The following TTC21B variants were observed in gnomAD, a reference collection of about 807,000 sequenced individuals.
The protein encoded by TTC21B is tetratricopeptide repeat protein 21B.
TTC21B carries 127 observed loss-of-function variants against 175.1 expected under a neutral mutation model. The observed-to-expected ratio is 0.73, with a 90% CI of 0.63 to 0.84. The LOEUF (loss-of-function observed/expected upper bound fraction) is 0.84. TTC21B is among the 40% of genes least tolerant of loss of function. The probability of loss-of-function intolerance (pLI) is 0.00; values close to 1 mark genes in which losing one functional copy is unlikely to be tolerated. For synonymous variants in TTC21B, 524 were observed against 524.5 expected (o/e 1.00, Z 0.01); for missense variants, 1,561 against 1,558.3 (o/e 1.00, Z -0.03).
In TTC21B at chr2:165,949,484, G is replaced by A. The variant is rs771232897; in HGVS notation, c.172C>T (p.Arg58Ter). The change falls in exon 3 of 29, where the codon CGA becomes TGA. Residue 58 changes from arginine (R) to a stop codon, truncating the protein, a stop_gained. Transcript: ENST00000243344. LOFTEE classifies it high-confidence loss of function. ...LMEGKTQEAL[R>*]EFEAIKNKQD... ...TTATTTTTAATAGCCTCAAATTCTCGAAGAGCTTCTTGAGTTTTACCTGAA... is the reference window on the plus strand; with the variant it reads ...TTATTTTTAATAGCCTCAAATTCTCAAAGAGCTTCTTGAGTTTTACCTGAA... 1.3e-5 allele frequency: 21 copies of A among 1,613,728 alleles called. No homozygotes were observed. Among genetic ancestry groups the A allele is most frequent in the South Asian group, 5.5e-5 (5 of 91,068 alleles).
intron 11 of TTC21B, among the ~76,000 whole-genome samples, chr2:165,925,281 T>C (rs900747750): frequency 3.9e-5 from 6 of 152,198 alleles, no homozygotes; most frequent in African/African-American, 1.2e-4. Context: ...ATAATGAGTA[T>C]GATAATTAAA....
chr2:165,916,875 G>A (rs1416105970), intron 14 of TTC21B, among the ~76,000 whole-genome samples: 1 of 152,004 alleles, frequency 6.6e-6, no homozygotes, highest in East Asian at 1.9e-4. Flanking sequence ...AATACATTTA[G>A]CTTTTCATTT....
chr2:165,930,732 G>GGGT (rs376602791), intron 8 of TTC21B, among the ~76,000 whole-genome samples: 1 of 110,832 alleles, frequency 9.0e-6, no homozygotes, highest in Admixed American at 8.7e-5. Context: ...TGGGTATGGG[G>GGGT]GTGTGTGTGT....
Position 165,919,286 on chromosome 2 carries a change from T to C in TTC21B, c.1664A>G (p.Tyr555Cys), listed in dbSNP as rs758276060. 2.5e-6 allele frequency: 4 copies of C among 1,614,050 alleles called. No homozygotes were observed. In the South Asian group the frequency reaches 4.4e-5, roughly 18 times the overall value. The change falls in exon 13 of 29, where the codon TAT becomes TGT. Residue 555 changes from tyrosine (Y) to cysteine (C), a missense_variant. Transcript: ENST00000243344. ...GTCTGGAATACTTACCTTAAAATCA[T>C]AGCTCAGACAAAGTTCAAGAGACTG... ...CSQSLELCLS[Y>C]DFKVRDYPLY...
intron 15 of TTC21B, 51 bp from the exon 16 acceptor site, chr2:165,913,697 C>T (rs770503184): frequency 1.9e-5 from 28 of 1,437,642 alleles, no homozygotes; most frequent in Admixed American, 6.9e-5. Context: ...ATATCTTCTT[C>T]CAAAAATAAA....
At chr2:165,930,732 G>GGTGTGTGTGTGTGTGTGTGTGTGT in intron 8 of TTC21B, among the ~76,000 whole-genome samples, 91 of 110,798 alleles carry the variant, frequency 8.2e-4, no homozygotes, top group South Asian at 1.6e-3. Flanking sequence ...TGGGTATGGG[G>GGTGTGTGTGTGTGTGTGTGTGTGT]GTGTGTGTGT....
At chr2:165,936,890 C>A (rs1687171021) in intron 6 of TTC21B, among the ~76,000 whole-genome samples, 1 of 151,922 alleles carries the variant, frequency 6.6e-6, no homozygotes, top group African/African-American at 2.4e-5. Context: ...GACAGTTTGG[C>A]AGTTTCTTAG....
chr2:165,922,851 T>C (rs989965636), intron 12 of TTC21B, among the ~76,000 whole-genome samples: 1 of 152,126 alleles, frequency 6.6e-6, no homozygotes, highest in Non-Finnish European at 1.5e-5. Context: ...CATCAACCGA[T>C]GAGTGGACAA....
intron 6 of TTC21B, among the ~76,000 whole-genome samples, chr2:165,940,282 G>A (rs147770308): frequency 6.6e-6 from 1 of 152,276 alleles, no homozygotes; most frequent in Non-Finnish European, 1.5e-5. Context: ...CTCGCCCACA[G>A]TCTGTTTTGC....
chr2:165,915,296 T>G lies in TTC21B; in HGVS notation c.2043A>C (p.Thr681=). 6.2e-7 allele frequency: 1 copy of G among 1,614,152 alleles called. No individual in the cohort carries two copies. Among genetic ancestry groups the G allele is most frequent in the Non-Finnish European group, 8.5e-7 (1 of 1,179,994 alleles). Reference sequence around the variant, plus strand: ...CCTCTATAAAATAAGGCTGTTCGGCTGTAACATTCTGAAGGATGCTTAAAG... The same window carrying G: ...CCTCTATAAAATAAGGCTGTTCGGCGGTAACATTCTGAAGGATGCTTAAAG... ...ERALSILQNV[T]AEQPYFIEAR... The change falls in exon 15 of 29, where the codon ACA becomes ACC. Residue 681 remains threonine (T), a synonymous_variant. Transcript: ENST00000243344.
At chr2:165,918,593 C>G (rs915792741) in intron 13 of TTC21B, among the ~76,000 whole-genome samples, 4 of 152,258 alleles carry the variant, frequency 2.6e-5, no homozygotes, top group Non-Finnish European at 5.9e-5. Flanking sequence ...CCACGCCCGG[C>G]CTTCTGCAAA....
rs372066887 is a variant in TTC21B, at chr2:165,917,396, T to C, written c.1760A>G (p.His587Arg). Residue 587 changes from histidine (H) to arginine (R), a missense_variant, in exon 14 of 29, where the codon CAT (histidine) becomes CGT (arginine). Transcript: ENST00000243344. ...GEIADAIKTL[H>R]MAMSLPGMKR... ...CATTCCTGGTAAACTCATTGCCATA[T>C]GCAGTGTTTTAATTGCGTCTGCTAT... 5.6e-5 allele frequency: 90 copies of C among 1,614,062 alleles called. No individual in the cohort carries two copies. Among genetic ancestry groups the C allele is most frequent in the Non-Finnish European group, 7.5e-5 (89 of 1,180,008 alleles).
chr2:165,932,349 A>ATTTACTAGATT (rs1405218478), intron 7 of TTC21B, among the ~76,000 whole-genome samples: 2 of 152,180 alleles, frequency 1.3e-5, no homozygotes, highest in East Asian at 1.9e-4. Flanking sequence ...CCCTACTAAG[A>ATTTACTAGATT]TACTCCTAGC....
chr2:165,875,120 A>G (rs1684623808), intron 28 of TTC21B, among the ~76,000 whole-genome samples: 1 of 152,214 alleles, frequency 6.6e-6, no homozygotes, highest in Non-Finnish European at 1.5e-5. Context: ...TCAATGATTT[A>G]AAATATTTTT....
chr2:165,888,920 GGTAAA>G (rs142225477), intron 24 of TTC21B, among the ~76,000 whole-genome samples: 66,504 of 151,388 alleles, frequency 0.44, 15,060 homozygotes, highest in South Asian at 0.54. Flanking sequence ...GGCTTGAACA[GGTAAA>G]GTAATTTTCT....
chr2:165,947,476 T>C (rs1687622722), intron 3 of TTC21B: 3 of 151,522 alleles, frequency 2.0e-5, no homozygotes, highest in Non-Finnish European at 4.4e-5. Flanking sequence ...CCTTTTCTCC[T>C]CTCCCCACTC....
intron 1 of TTC21B, among the ~76,000 whole-genome samples, chr2:165,952,474 CAG>C (rs1687788437): frequency 6.6e-6 from 1 of 152,080 alleles, no homozygotes; most frequent in South Asian, 2.1e-4. Context: ...TTAAGTGAGA[CAG>C]AGAGTATTGG....
intron 4 of TTC21B, among the ~76,000 whole-genome samples, chr2:165,943,859 A>C (rs1417974142): frequency 6.6e-6 from 1 of 152,128 alleles, no homozygotes; most frequent in Non-Finnish European, 1.5e-5. Context: ...GAAATTATAA[A>C]CTGAAGAACT....
At position 165,931,845 on chromosome 2, in the gene TTC21B, C is replaced by T; in HGVS notation, c.807G>A (p.Lys269=). The change falls in exon 8 of 29, where the codon AAG becomes AAA. Residue 269 remains lysine (K), a synonymous_variant. Coordinates refer to ENST00000243344, the MANE Select transcript of TTC21B (RefSeq NM_024753.5). The stretch of plus-strand genomic sequence containing the variant: ...CCAATGTATTTCCCAAGTTTTCCAG[C>T]TTGGTGGAAGCCTAAAACAAAAGGA... ...REGDIEKAST[K]LENLGNTLDA... The T allele has an allele frequency of 6.2e-7, 1 of 1,613,000 alleles. No individual in the cohort carries two copies. The highest frequency in any genetic ancestry group is 8.5e-7 in the Non-Finnish European group (1 of 1,179,190).
Sources: allele counts gnomAD v4.1 joint callset (sites outside exome capture counted in the v4.1 genomes callset), GRCh38; gene constraint gnomAD v4.1.1; transcripts MANE v1.5; gene names NCBI Gene and HGNC (gene_info 2026-07-23, HGNC 2026-07-21).